The following CTNNA2 variants were observed in gnomAD, a reference collection of about 807,000 sequenced individuals.
The protein encoded by CTNNA2 is catenin alpha 2.
A neutral mutation model predicts 101.0 loss-of-function variants in CTNNA2; 42 were observed. The observed-to-expected ratio is 0.42, with a 90% CI of 0.32 to 0.54. The LOEUF (loss-of-function observed/expected upper bound fraction) is 0.54, where lower values mean the gene tolerates loss of function less well. Ranked by LOEUF, CTNNA2 falls within the 20% of genes least tolerant of loss-of-function variation. The pLI, the probability that CTNNA2 is intolerant of heterozygous loss-of-function variation, is 0.14. For synonymous variants in CTNNA2, 450 were observed against 456.4 expected, an observed-to-expected ratio of 0.99 and a Z score of 0.18; for missense variants, 871 against 1,223.1, an observed-to-expected ratio of 0.71 and a Z score of 4.29.
intron 4 of CTNNA2, among the ~76,000 whole-genome samples, chr2:79,388,781 CTCT>C (rs1012942950): frequency 6.7e-6 from 1 of 149,350 alleles, no homozygotes; most frequent in Non-Finnish European, 1.5e-5. Flanking sequence ...TTTCTCTCTC[CTCT>C]TTTTTTTTTA....
intron 7 of CTNNA2, among the ~76,000 whole-genome samples, chr2:80,245,823 T>TTTTTTTTTGG (rs1671281900): frequency 2.6e-5 from 3 of 114,458 alleles, no homozygotes; most frequent in African/African-American, 1.1e-4. Context: ...TTTTTTTTTT[T>TTTTTTTTTGG]GCACTCTGTA....
chr2:79,446,225 T>G (rs1034204241), intron 4 of CTNNA2, among the ~76,000 whole-genome samples: 3 of 151,662 alleles, frequency 2.0e-5, no homozygotes, highest in African/African-American at 7.2e-5. Flanking sequence ...CCCCACAATA[T>G]TCTAAGAAAA....
At chr2:80,528,345 C>T (rs981533324) in intron 9 of CTNNA2, among the ~76,000 whole-genome samples, 3 of 152,074 alleles carry the variant, frequency 2.0e-5, no homozygotes, top group African/African-American at 7.2e-5. Context: ...TACAGGCACT[C>T]ACCACCATGC....
intron 2 of CTNNA2, among the ~76,000 whole-genome samples, chr2:79,227,447 A>G (rs956285033): frequency 6.6e-6 from 1 of 152,202 alleles, no homozygotes; most frequent in Admixed American, 6.6e-5. Flanking sequence ...GTTAGTGAGA[A>G]TTGAATGAGA....
intron 1 of CTNNA2, among the ~76,000 whole-genome samples, chr2:79,617,582 T>G (rs892374288): frequency 6.6e-6 from 1 of 152,238 alleles, no homozygotes; most frequent in African/African-American, 2.4e-5. Context: ...CTGATTCATA[T>G]TCACCATTTT....
At chr2:79,665,626 C>A (rs1349375921) in intron 2 of CTNNA2, among the ~76,000 whole-genome samples, 1 of 152,106 alleles carries the variant, frequency 6.6e-6, no homozygotes, top group Non-Finnish European at 1.5e-5. Context: ...ATTATACTAT[C>A]TTTTAAAAAT....
At chr2:80,578,278 T>G (rs1695234996) in intron 13 of CTNNA2, among the ~76,000 whole-genome samples, 1 of 152,176 alleles carries the variant, frequency 6.6e-6, no homozygotes, top group African/African-American at 2.4e-5. Context: ...TTAAATAGTT[T>G]CTGTTTATTG....
chr2:80,232,345 G>GTTTTT (rs61454985), intron 7 of CTNNA2, among the ~76,000 whole-genome samples: 9 of 64,824 alleles, frequency 1.4e-4, no homozygotes, highest in Non-Finnish European at 1.8e-4. Flanking sequence ...TTGTTTGTTT[G>GTTTTT]TTTTTTTTTT....
intron 7 of CTNNA2, among the ~76,000 whole-genome samples, chr2:80,112,662 A>G (rs1701292496): frequency 6.6e-6 from 1 of 152,152 alleles, no homozygotes; most frequent in Non-Finnish European, 1.5e-5. Context: ...TCTCTCTGTT[A>G]GAAGTTGTTA....
intron 7 of CTNNA2, among the ~76,000 whole-genome samples, chr2:80,042,755 T>C (rs547486374): frequency 5.9e-4 from 90 of 152,326 alleles, no homozygotes; most frequent in African/African-American, 2.1e-3. Flanking sequence ...ATTTGTGATA[T>C]GCTATTATGA....
intron 7 of CTNNA2, among the ~76,000 whole-genome samples, chr2:80,170,420 G>A (rs1282697794): frequency 1.3e-5 from 2 of 152,142 alleles, no homozygotes; most frequent in East Asian, 3.9e-4. Flanking sequence ...TCTACAGTGA[G>A]ACCAGTAGAA....
chr2:79,368,958 G>A (rs990262363), intron 3 of CTNNA2, among the ~76,000 whole-genome samples: 3 of 152,158 alleles, frequency 2.0e-5, no homozygotes, highest in Non-Finnish European at 4.4e-5. Context: ...GCTGCCGCTT[G>A]AAGAAGAAAA....
At chr2:80,478,674 A>T (rs1685911038) in intron 9 of CTNNA2, among the ~76,000 whole-genome samples, 1 of 152,024 alleles carries the variant, frequency 6.6e-6, no homozygotes. Context: ...TTTGTTAAGG[A>T]TCAACTGATT....
intron 1 of CTNNA2, among the ~76,000 whole-genome samples, chr2:79,187,900 A>G (rs1239635401): frequency 6.6e-6 from 1 of 152,242 alleles, no homozygotes. Context: ...GAAGAAACAT[A>G]CAAAATAAAT....
chr2:79,603,575 C>A (rs1177548746), intron 1 of CTNNA2, among the ~76,000 whole-genome samples: 6 of 152,044 alleles, frequency 3.9e-5, no homozygotes, highest in African/African-American at 1.4e-4. Flanking sequence ...TAAAAACGAG[C>A]CAAAGCTCTG....
intron 2 of CTNNA2, among the ~76,000 whole-genome samples, chr2:79,250,989 AATG>A (rs1464512496): frequency 6.6e-6 from 1 of 152,132 alleles, no homozygotes; most frequent in East Asian, 1.9e-4. Context: ...TTGGGAAAAA[AATG>A]ATTTACTCTG....
At chr2:80,259,205 A>T (rs1277719454) in intron 7 of CTNNA2, among the ~76,000 whole-genome samples, 1 of 152,110 alleles carries the variant, frequency 6.6e-6, no homozygotes, top group Non-Finnish European at 1.5e-5. Context: ...GCATTATGTA[A>T]TTAGACAGCC....
chr2:79,670,356 C>T (rs557667248), intron 2 of CTNNA2, among the ~76,000 whole-genome samples: 34 of 152,304 alleles, frequency 2.2e-4, no homozygotes, highest in Admixed American at 5.9e-4. Context: ...TAGCCCCGCC[C>T]TCCTGGGTAG....
At chr2:79,688,764 AG>A (rs1168769396) in intron 2 of CTNNA2, among the ~76,000 whole-genome samples, 2 of 152,130 alleles carry the variant, frequency 1.3e-5, no homozygotes, top group African/African-American at 2.4e-5. Flanking sequence ...AGCTTCGGGC[AG>A]TTTCACTGAT....
Sources: gnomAD v4.1 joint callset for allele counts (sites outside exome capture counted in the v4.1 genomes callset) on GRCh38, gnomAD v4.1.1 for gene constraint, MANE v1.5 for transcripts, NCBI Gene and HGNC (gene_info 2026-07-23, HGNC 2026-07-21) for gene names.